GAB2: variants seen among roughly 807,000 people sequenced by gnomAD.
The protein encoded by GAB2 is GRB2 associated binding protein 2.
In GAB2, 26 loss-of-function variants were observed where a neutral mutation model predicts 65.5. The observed-to-expected ratio is 0.40, with a 90% confidence interval of 0.29 to 0.55. The LOEUF is 0.55. Ranked by LOEUF, GAB2 falls within the 20% of genes least tolerant of loss-of-function variation. The pLI, the probability that GAB2 is intolerant of heterozygous loss-of-function variation, is 0.53. For synonymous variants in GAB2, 321 were observed against 329.6 expected (o/e 0.97, Z 0.28); for missense variants, 884 against 875.8 (o/e 1.01, Z -0.12).
At chr11:78,318,379 A>AAAATAAAAAAAAAAAAAAAAAAT (rs1855656747) in intron 1 of GAB2, among the ~76,000 whole-genome samples, 1 of 147,986 alleles carries the variant, frequency 6.8e-6, no homozygotes, top group Non-Finnish European at 1.5e-5. Context: ...CAAAAAAAAA[A>AAAATAAAAAAAAAAAAAAAAAAT]AAAAAAAGCT....
At chr11:78,343,641 G>C (rs933819240) in intron 1 of GAB2, among the ~76,000 whole-genome samples, 2 of 152,204 alleles carry the variant, frequency 1.3e-5, no homozygotes, top group Admixed American at 1.3e-4. Flanking sequence ...AGCCACTGCT[G>C]CTTCTTGGGA....
At position 78,221,731 on chromosome 11, in the gene GAB2, G is replaced by C. The variant is rs747702687; in HGVS notation, c.1707C>G (p.Thr569=). Residue 569 remains threonine, a synonymous_variant, in exon 8 of 10, where the codon ACC becomes ACG. Coordinates refer to ENST00000361507, the MANE Select transcript of GAB2 (RefSeq NM_080491.3). ...CTGAGTCTGTGCTGGTGATGCTCTG[G>C]GTGGAGATGGGGCGGCAGTACTGGG... ...SSSQYCRPIS[T]QSITSTDSGD... is the part of the protein sequence containing the mutation. 2 of 1,613,820 alleles carry C rather than the reference G, an allele frequency of 1.2e-6. No individual in the cohort carries two copies.
chr11:78,306,396 A>T (rs1855360107), intron 1 of GAB2, among the ~76,000 whole-genome samples: 1 of 152,028 alleles, frequency 6.6e-6, no homozygotes, highest in Non-Finnish European at 1.5e-5. Context: ...ACGCCCGGCT[A>T]ATTTTTTATA....
rs117772814 is a variant in GAB2, at chr11:78,274,670, T to C, written c.376+5931A>G. The stretch of plus-strand genomic sequence containing the variant: ...GTACAGACTAACCAATAGAGCCTGA[T>C]GACTGGATTAAAGCCCTTGAAATTA... On this transcript the variant is annotated intron_variant, in intron 2 of 9. Transcript: ENST00000361507. Among the ~76,000 whole-genome samples the C allele has an allele frequency of 8.7e-3, 1,318 of 152,362 alleles. 12 individuals carry two copies. The highest frequency in any genetic ancestry group is 0.014 in the Middle Eastern group (4 of 294).
In GAB2 at chr11:78,270,487, G is replaced by C. The variant is rs113859217; in HGVS notation, c.376+10114C>G. ...GAAAAGTGAGGAGTCAGAGGACACA[G>C]CCATAGACGGTAGTCAAAAGCCTTG... On this transcript the variant is annotated intron_variant, in intron 2 of 9. Transcript: ENST00000361507. 8.7e-3 allele frequency among the ~76,000 whole-genome samples: 1,330 copies of C among 152,292 alleles called. 20 individuals carry two copies. Among genetic ancestry groups the C allele is most frequent in the African/African-American group, 0.03 (1,263 of 41,552 alleles).
chr11:78,336,892 T>C (rs1279423227), intron 1 of GAB2, among the ~76,000 whole-genome samples: 1 of 152,234 alleles, frequency 6.6e-6, no homozygotes, highest in Non-Finnish European at 1.5e-5. Flanking sequence ...CAAGAAGTGA[T>C]ATATATTGAA....
At chr11:78,313,784 T>G (rs1173871951) in intron 1 of GAB2, among the ~76,000 whole-genome samples, 3 of 152,226 alleles carry the variant, frequency 2.0e-5, no homozygotes, top group African/African-American at 7.2e-5. Flanking sequence ...GACCCTTACT[T>G]GCATTTTAAT....
chr11:78,270,333 TAA>T (rs11358173), intron 2 of GAB2, among the ~76,000 whole-genome samples: 72 of 140,092 alleles, frequency 5.1e-4, no homozygotes, highest in Middle Eastern at 3.5e-3. Flanking sequence ...GACTCCGTCT[TAA>T]AAAAAAAAAA....
chr11:78,255,034 C>G (rs1865559818), intron 2 of GAB2, among the ~76,000 whole-genome samples: 1 of 151,996 alleles, frequency 6.6e-6, no homozygotes, highest in Non-Finnish European at 1.5e-5. Flanking sequence ...AATAGCGTCT[C>G]TGTACATAGT....
chr11:78,317,107 A>G (rs1855623558), intron 1 of GAB2, among the ~76,000 whole-genome samples: 1 of 152,232 alleles, frequency 6.6e-6, no homozygotes, highest in African/African-American at 2.4e-5. Context: ...CAGAGAGACA[A>G]AAAATACAAC....
At chr11:78,220,259 T>A in intron 9 of GAB2, 60 bp downstream of exon 9, 3 of 1,597,588 alleles carry the variant, frequency 1.9e-6, no homozygotes, top group East Asian at 4.5e-5. Context: ...CTGGCCTCCA[T>A]GATCTCTGCC....
At chr11:78,307,635 A>T (rs1855396478) in intron 1 of GAB2, among the ~76,000 whole-genome samples, 1 of 150,444 alleles carries the variant, frequency 6.6e-6, no homozygotes, top group Non-Finnish European at 1.5e-5. Context: ...AGAGAGAGAG[A>T]TGTTGAGTCA....
chr11:78,324,034 G>T (rs1855778235), intron 1 of GAB2, among the ~76,000 whole-genome samples: 1 of 152,002 alleles, frequency 6.6e-6, no homozygotes. Context: ...CTGACCTCAG[G>T]TGATCTGCCC....
intron 8 of GAB2, 56 bp downstream of exon 8, chr11:78,221,621 G>C: frequency 9.6e-7 from 1 of 1,038,590 alleles, no homozygotes; most frequent in Non-Finnish European, 1.5e-6. Context: ...GGGAACTGAG[G>C]GGTGGGTCCC....
chr11:78,317,428 C>T (rs539788941), intron 1 of GAB2, among the ~76,000 whole-genome samples: 2 of 151,776 alleles, frequency 1.3e-5, no homozygotes, highest in Admixed American at 6.6e-5. Flanking sequence ...GGTGTGGTGG[C>T]GGGCAGCTGT....
chr11:78,307,773 C>T (rs2134637430), intron 1 of GAB2, among the ~76,000 whole-genome samples: 1 of 152,264 alleles, frequency 6.6e-6, no homozygotes, highest in Middle Eastern at 3.4e-3. Flanking sequence ...TTTTTTAATA[C>T]AAAAGAAGTG....
intron 1 of GAB2, among the ~76,000 whole-genome samples, chr11:78,416,967 C>T (rs952130418): frequency 6.6e-6 from 1 of 152,150 alleles, no homozygotes; most frequent in African/African-American, 2.4e-5. Context: ...GGGAGCTGCC[C>T]GGTCCCAAAC....
intron 1 of GAB2, among the ~76,000 whole-genome samples, chr11:78,370,609 A>G (rs1049665359): frequency 6.6e-6 from 1 of 152,196 alleles, no homozygotes; most frequent in Non-Finnish European, 1.5e-5. Context: ...GGCTATATGC[A>G]TCAACAAACC....
chr11:78,311,837 G>A (rs545293572), intron 1 of GAB2, among the ~76,000 whole-genome samples: 3 of 152,178 alleles, frequency 2.0e-5, no homozygotes, highest in Non-Finnish European at 2.9e-5. Flanking sequence ...GCAAGAAGAG[G>A]TGCCTACAGA....
Sources: allele counts gnomAD v4.1 joint callset (sites outside exome capture counted in the v4.1 genomes callset), GRCh38; gene constraint gnomAD v4.1.1; transcripts MANE v1.5; gene names NCBI Gene and HGNC (gene_info 2026-07-23, HGNC 2026-07-21).